The following DYM variants were observed in gnomAD, a reference collection of about 807,000 sequenced individuals.
DYM encodes the protein dymeclin, also known as dyggve-Melchior-Clausen syndrome protein.
In DYM, 78 loss-of-function variants were observed where a neutral mutation model predicts 93.1. That is an observed-to-expected ratio of 0.84 (90% CI 0.70 to 1.01). The LOEUF (loss-of-function observed/expected upper bound fraction) is 1.01. DYM is among the 50% of genes least tolerant of loss of function. DYM has a pLI of 0.00. For missense variants in DYM, 789 were observed against 845.0 expected (o/e 0.93, Z 0.82); for synonymous variants, 321 against 319.7 (o/e 1.00, Z -0.04).
Position 49,391,611 on chromosome 18 carries a change from A to C in DYM, c.175T>G (p.Ser59Ala), listed in dbSNP as rs1476828930. The part of the protein sequence containing the change: ...ELKLLEEATI[S>A]VCRSLVENNP... ...CACTTACCTAATGACCTGCAGACTG[A>C]AATGGTTGCTTCCTCCAAGAGTTTC... Residue 59 changes from serine to alanine, a missense_variant, in exon 3 of 18, where the codon TCA becomes GCA. By Grantham distance (99) the Ser-to-Ala change is moderately conservative. Transcript: ENST00000675505. The C allele has an allele frequency of 6.2e-7, 1 of 1,613,506 alleles. No homozygotes were observed. The highest frequency in any genetic ancestry group is 1.1e-5 in the South Asian group (1 of 91,078).
chr18:49,249,692 A>G (rs2094245510), intron 13 of DYM, among the ~76,000 whole-genome samples: 1 of 151,792 alleles, frequency 6.6e-6, no homozygotes, highest in Non-Finnish European at 1.5e-5. Flanking sequence ...GGTGATTAAA[A>G]TATGTGTCAT....
chr18:49,071,117 G>A (rs907636200), intron 17 of DYM, among the ~76,000 whole-genome samples: 31 of 152,164 alleles, frequency 2.0e-4, no homozygotes, highest in Admixed American at 1.6e-3. Context: ...ATCTTTTATA[G>A]TGCCTACCTG....
At chr18:49,173,381 G>T (rs766455400) in intron 14 of DYM, among the ~76,000 whole-genome samples, 4 of 152,052 alleles carry the variant, frequency 2.6e-5, no homozygotes, top group Admixed American at 6.6e-5. Flanking sequence ...TCAACGTATA[G>T]ATCAATTTCA....
intron 15 of DYM, among the ~76,000 whole-genome samples, chr18:49,129,987 T>C (rs1196495199): frequency 6.6e-6 from 1 of 152,124 alleles, no homozygotes; most frequent in Non-Finnish European, 1.5e-5. Context: ...AAAAACTTTC[T>C]AGTTCTGGGA....
rs888624108 is a variant in DYM, at chr18:49,425,517, T to G, written c.140+4738A>C. 3.4e-4 allele frequency among the ~76,000 whole-genome samples: 51 copies of G among 152,048 alleles called. 1 individual carries two copies. Among genetic ancestry groups the G allele is most frequent in the African/African-American group, 1.2e-3 (50 of 41,488 alleles). On this transcript the variant is annotated intron_variant, in intron 2 of 17. Transcript: ENST00000675505. ...TTCATGTCTAAAACACCAAAAGCAA[T>G]GGCAACAAAAGCCAAAATTGACAAA...
At chr18:49,387,771 C>A (rs1307990263) in intron 3 of DYM, among the ~76,000 whole-genome samples, 4 of 151,970 alleles carry the variant, frequency 2.6e-5, no homozygotes, top group African/African-American at 9.7e-5. Context: ...AAAATTCATG[C>A]AACTCACTTT....
At chr18:49,208,689 T>G (rs1410568559) in intron 14 of DYM, 1 of 152,224 alleles carries the variant, frequency 6.6e-6, no homozygotes, top group Non-Finnish European at 1.5e-5. Flanking sequence ...TGTTTGCTAA[T>G]TTCTGGTTAA....
At chr18:49,293,805 A>G (rs2060335665) in intron 8 of DYM, among the ~76,000 whole-genome samples, 1 of 151,992 alleles carries the variant, frequency 6.6e-6, no homozygotes, top group South Asian at 2.1e-4. Context: ...GCTGTGCAGA[A>G]GCTCTTTAGT....
At chr18:49,188,932 C>T (rs564185570) in intron 14 of DYM, among the ~76,000 whole-genome samples, 21 of 152,266 alleles carry the variant, frequency 1.4e-4, no homozygotes, top group Admixed American at 2.6e-4. Context: ...TCAACCTAGA[C>T]GCTCATCAAT....
rs561564113 is a variant in DYM, at chr18:49,287,063, C to T, written c.764-447G>A. The stretch of plus-strand genomic sequence containing the variant: ...AAAAATAGCCAGGTGTGATGGCAGG[C>T]GCCTGTAGTCCCAGCTACTTGGCTG... On this transcript the variant is annotated intron_variant, in intron 8 of 17. Coordinates refer to ENST00000675505, the MANE Select transcript of DYM (RefSeq NM_001353214.3). 2.4e-4 allele frequency among the ~76,000 whole-genome samples: 36 copies of T among 151,944 alleles called. No individual in the cohort carries two copies. The South Asian group carries it at 6.2e-3, about 26-fold the overall frequency.
rs1466699273 is a variant in DYM at position 49,137,149 on chromosome 18, A to G, written c.1729-18223T>C. On this transcript the variant is annotated intron_variant, in intron 15 of 17. Transcript: ENST00000675505. ...CACACTGAACTGACCACCACAGCAT[A>G]TCTTCTGCTATGACCAACGTGACAA... 2.6e-5 allele frequency among the ~76,000 whole-genome samples: 4 copies of G among 152,324 alleles called. No individual in the cohort carries two copies. In the East Asian group the frequency reaches 7.7e-4, roughly 29 times the overall value.
At position 49,225,582 on chromosome 18, in the gene DYM, A is replaced by C. The variant is rs191209746; in HGVS notation, c.1461-15867T>G. Among the ~76,000 whole-genome samples, 52 of 152,266 alleles carry C rather than the reference A, an allele frequency of 3.4e-4. 1 individual carries two copies. Among genetic ancestry groups the C allele is most frequent in the African/African-American group, 1.2e-3 (51 of 41,580 alleles). On this transcript the variant is annotated intron_variant, in intron 13 of 17. Coordinates refer to ENST00000675505, the MANE Select transcript of DYM (RefSeq NM_001353214.3). ...AACCTCTTTACAATATAACATAACA[A>C]TATTAGCATCTTTTCTGTGAGTTGT...
At position 49,333,844 on chromosome 18, in the gene DYM, T is replaced by A. The variant is rs368567108; in HGVS notation, c.504A>T (p.Thr168=). Residue 168 remains threonine (T), a synonymous_variant, in exon 7 of 18, where the codon ACA becomes ACT. Transcript: ENST00000675505. ...LITDIPLLDI[T]YEISVEAIST... is the part of the protein sequence containing the mutation. The stretch of plus-strand genomic sequence containing the variant: ...ATATAGCTTCTACTGATATTTCATA[T>A]GTAATATCTCTAAAATGGAAGAAAA... The A allele has an allele frequency of 3.1e-6, 5 of 1,610,050 alleles. No individual in the cohort carries two copies. Among genetic ancestry groups the A allele is most frequent in the South Asian group, 2.2e-5 (2 of 90,944 alleles).
chr18:49,060,685 G>A (rs2075893566), intron 17 of DYM, among the ~76,000 whole-genome samples: 1 of 77,196 alleles, frequency 1.3e-5, no homozygotes, highest in Non-Finnish European at 2.8e-5. Flanking sequence ...AAGGGAGGGG[G>A]GAGGGGGGAG....
intron 11 of DYM, among the ~76,000 whole-genome samples, chr18:49,268,609 G>C (rs2094612216): frequency 1.3e-5 from 2 of 152,064 alleles, no homozygotes; most frequent in Admixed American, 1.3e-4. Flanking sequence ...TTGCTTCAAA[G>C]TTTTTTGTGT....
In DYM at chr18:49,183,352, G is replaced by C. The variant is rs531384923; in HGVS notation, c.1626-19565C>G. On this transcript the variant is annotated intron_variant, in intron 14 of 17. Transcript: ENST00000675505. The stretch of plus-strand genomic sequence containing the variant: ...GAAAACGTTGTGGCACCATCAGGAA[G>C]GACAAACACCACAAGGCAGTCCTGC... Among the ~76,000 whole-genome samples the C allele has an allele frequency of 3.9e-5, 6 of 152,184 alleles. No individual in the cohort carries two copies. The South Asian group carries it at 1.2e-3, about 32-fold the overall frequency.
At chr18:49,075,629 C>T (rs2077238582) in intron 17 of DYM, among the ~76,000 whole-genome samples, 1 of 152,140 alleles carries the variant, frequency 6.6e-6, no homozygotes, top group African/African-American at 2.4e-5. Flanking sequence ...ACTATAGACA[C>T]ATAGTCCCAT....
chr18:49,237,583 T>C (rs2093910314), intron 13 of DYM, among the ~76,000 whole-genome samples: 1 of 152,206 alleles, frequency 6.6e-6, no homozygotes, highest in Non-Finnish European at 1.5e-5. Flanking sequence ...TTTTGAATCA[T>C]TTATTCTAAA....
At chr18:49,308,154 A>T (rs572915436) in intron 8 of DYM, among the ~76,000 whole-genome samples, 2 of 152,198 alleles carry the variant, frequency 1.3e-5, no homozygotes, top group East Asian at 3.8e-4. Context: ...AAAGAATGAG[A>T]AAGACCAAAA....
Sources: allele counts gnomAD v4.1 joint callset (sites outside exome capture counted in the v4.1 genomes callset), GRCh38; gene constraint gnomAD v4.1.1; transcripts MANE v1.5; gene names NCBI Gene and HGNC (gene_info 2026-07-23, HGNC 2026-07-21).